Variants in SIN3A observed in about 807,000 individuals in gnomAD.
SIN3A encodes paired amphipathic helix protein Sin3a.
In SIN3A, 14 loss-of-function variants were observed where a neutral mutation model predicts 146.1. The ratio of observed to expected loss-of-function variants is 0.10; its 90% CI spans 0.06 to 0.15. The LOEUF (loss-of-function observed/expected upper bound fraction) is 0.15. Ranked by LOEUF, SIN3A falls within the 10% of genes least tolerant of loss-of-function variation. SIN3A has a pLI of 1.00. For missense variants in SIN3A, 1,028 were observed against 1,576.0 expected (o/e 0.65, Z 5.89); for synonymous variants, 572 against 572.0 (o/e 1.00, Z 0.00).
upstream of SIN3A, among the ~76,000 whole-genome samples, chr15:75,454,300 G>A (rs1284273196): frequency 1.3e-5 from 2 of 152,230 alleles, no homozygotes; most frequent in African/African-American, 2.4e-5. Flanking sequence ...AGAAGGCGGG[G>A]CCTCCGGGAG....
intron 2 of SIN3A, among the ~76,000 whole-genome samples, chr15:75,429,137 T>C (rs2073972852): frequency 1.3e-5 from 2 of 152,206 alleles, no homozygotes; most frequent in African/African-American, 4.8e-5. Context: ...AATTATACAT[T>C]GGCCAGACGC....
chr15:75,440,766 A>G (rs879866872), intron 1 of SIN3A, among the ~76,000 whole-genome samples: 2 of 151,916 alleles, frequency 1.3e-5, no homozygotes, highest in Admixed American at 6.6e-5. Context: ...GCGGATTACG[A>G]GGTCAGGAGA....
At chr15:75,454,658 C>A (rs2074462687), upstream of SIN3A, among the ~76,000 whole-genome samples, 1 of 151,980 alleles carries the variant, frequency 6.6e-6, no homozygotes, top group Admixed American at 6.5e-5. Context: ...TTTCAGGCCA[C>A]CCCCTCGTGG....
At chr15:75,378,552 G>A (rs553563587) in intron 19 of SIN3A, among the ~76,000 whole-genome samples, 7 of 152,208 alleles carry the variant, frequency 4.6e-5, no homozygotes, top group Admixed American at 3.9e-4. Flanking sequence ...CAACAAGAGC[G>A]AAATTCCGTC....
At position 75,422,582 on chromosome 15, in the gene SIN3A, AGCTG is replaced by A. The variant is rs2073857873; in HGVS notation, c.366+61_366+64del. 1.9e-6 allele frequency: 3 copies of A among 1,550,780 alleles called. No homozygotes were observed. The African/African-American group carries it at 4.1e-5, about 21-fold the overall frequency. On this transcript the variant is annotated intron_variant, in intron 3 of 20. Coordinates refer to ENST00000394947, the MANE Select transcript of SIN3A (RefSeq NM_001145358.2). ...AGAAGTTGTACCACCACAACCAACAAGCTGCAACCAGTATTTCCTGCTAAAGATA... is the reference window on the plus strand; with the variant it reads ...AGAAGTTGTACCACCACAACCAACAACAACCAGTATTTCCTGCTAAAGATA...
At chr15:75,372,999 G>A (rs1341669533) in intron 20 of SIN3A, among the ~76,000 whole-genome samples, 1 of 152,124 alleles carries the variant, frequency 6.6e-6, no homozygotes, top group Non-Finnish European at 1.5e-5. Flanking sequence ...GCAAAGCAAA[G>A]GGCTTAAAAC....
At chr15:75,431,349 C>T (rs2074010988) in intron 1 of SIN3A, among the ~76,000 whole-genome samples, 1 of 152,162 alleles carries the variant, frequency 6.6e-6, no homozygotes, top group Admixed American at 6.5e-5. Context: ...AGAAGAGATT[C>T]TCTTAGCTTA....
At chr15:75,432,123 T>G (rs996488553) in intron 1 of SIN3A, among the ~76,000 whole-genome samples, 1 of 152,242 alleles carries the variant, frequency 6.6e-6, no homozygotes, top group African/African-American at 2.4e-5. Context: ...TGAAATAGCA[T>G]GTTTAGCTTA....
chr15:75,445,759 G>GAAAAAAAAAAAAAAAAAAAAAA (rs774883850), intron 1 of SIN3A, among the ~76,000 whole-genome samples: 4 of 86,304 alleles, frequency 4.6e-5, no homozygotes, highest in Non-Finnish European at 7.2e-5. Context: ...TCAAAAAAAA[G>GAAAAAAAAAAAAAAAAAAAAAA]AAAAAAAAAA....
chr15:75,427,794 A>AC (rs1183248532), intron 2 of SIN3A, among the ~76,000 whole-genome samples: 2 of 151,856 alleles, frequency 1.3e-5, no homozygotes, highest in Non-Finnish European at 2.9e-5. Flanking sequence ...ACATGGCGAA[A>AC]CCCCATCTCT....
intron 6 of SIN3A, among the ~76,000 whole-genome samples, chr15:75,410,651 C>T (rs2073617102): frequency 1.3e-5 from 2 of 152,026 alleles, no homozygotes; most frequent in South Asian, 4.1e-4. Flanking sequence ...CTGACAAAAC[C>T]TTAGAAATTT....
At chr15:75,444,065 C>A (rs1363703182) in intron 1 of SIN3A, among the ~76,000 whole-genome samples, 1 of 152,060 alleles carries the variant, frequency 6.6e-6, no homozygotes, top group Admixed American at 6.6e-5. Context: ...TGATGAAATA[C>A]CAAAACATTT....
rs772420448 is a variant in SIN3A, at chr15:75,410,248, G to A, written c.1047C>T (p.Tyr349=). The change falls in exon 7 of 21, where the codon TAC becomes TAT. Residue 349 remains tyrosine, a synonymous_variant. Coordinates refer to ENST00000394947, the MANE Select transcript of SIN3A (RefSeq NM_001145358.2). ...CCTCCTGCTCTGTCAATGCTGGAGT[G>A]TAGTTTCCTCCAGCTTCCTTGGCAT... is the stretch of plus-strand genomic sequence containing the variant. ...QRNAKEAGGN[Y]TPALTEQEVY... 1.2e-6 allele frequency: 2 copies of A among 1,613,454 alleles called. No individual in the cohort carries two copies. Among genetic ancestry groups the A allele is most frequent in the East Asian group, 2.2e-5 (1 of 44,886 alleles).
At chr15:75,413,780 G>A (rs1026225160) in intron 4 of SIN3A, among the ~76,000 whole-genome samples, 1 of 152,118 alleles carries the variant, frequency 6.6e-6, no homozygotes, top group African/African-American at 2.4e-5. Context: ...CAGATACTCA[G>A]ATGATATATA....
chr15:75,393,336 C>T (rs866492465), intron 14 of SIN3A, among the ~76,000 whole-genome samples: 5 of 152,204 alleles, frequency 3.3e-5, no homozygotes, highest in Non-Finnish European at 7.3e-5. Context: ...GTACCTTCTA[C>T]ACACTGATGA....
intron 19 of SIN3A, among the ~76,000 whole-genome samples, chr15:75,377,236 T>C (rs1444065095): frequency 2.6e-5 from 4 of 152,212 alleles, no homozygotes; most frequent in Non-Finnish European, 5.9e-5. Context: ...TTTACTTCCA[T>C]GATTTTGCAC....
intron 12 of SIN3A, among the ~76,000 whole-genome samples, chr15:75,398,914 A>G (rs912758647): frequency 3.9e-5 from 6 of 151,996 alleles, no homozygotes; most frequent in Admixed American, 3.9e-4. Flanking sequence ...CAAATACCTA[A>G]TGCATGTGGG....
rs1006934601 is a variant in SIN3A, at chr15:75,451,092, G to A, written c.-34+331C>T. ...AGGCCCCGCCCACCCCAGGAGGAGG[G>A]GAGGGGGTGGTCGGCCGCAAACTGC... is the stretch of plus-strand genomic sequence containing the variant. On this transcript the variant is annotated intron_variant, in intron 1 of 20. Coordinates refer to ENST00000394947, the MANE Select transcript of SIN3A (RefSeq NM_001145358.2). Among the ~76,000 whole-genome samples, 68 of 151,192 alleles carry A rather than the reference G, an allele frequency of 4.5e-4. 1 individual carries two copies. Among genetic ancestry groups the A allele is most frequent in the African/African-American group, 1.5e-3 (63 of 41,230 alleles).
chr15:75,385,960 A>C (rs893051637), intron 16 of SIN3A, among the ~76,000 whole-genome samples: 2 of 152,214 alleles, frequency 1.3e-5, no homozygotes, highest in African/African-American at 4.8e-5. Context: ...TAGGAGAAAA[A>C]AGAAAAGGTG....
Sources: allele counts gnomAD v4.1 joint callset (sites outside exome capture counted in the v4.1 genomes callset), GRCh38; gene constraint gnomAD v4.1.1; transcripts MANE v1.5; gene names NCBI Gene and HGNC (gene_info 2026-07-23, HGNC 2026-07-21).